The following QPCT variants were observed in gnomAD, a reference collection of about 807,000 sequenced individuals.
The protein encoded by QPCT is EC.
QPCT carries 44 observed loss-of-function variants against 43.4 expected under a neutral mutation model. That is an observed-to-expected ratio of 1.01 (90% CI 0.80 to 1.30). The LOEUF is 1.30. Among genes scored for constraint, QPCT ranks in the 50% most tolerant of loss-of-function variants. The probability of loss-of-function intolerance (pLI) is 0.00; values close to 1 mark genes in which losing one functional copy is unlikely to be tolerated. For synonymous variants in QPCT, 168 were observed against 168.4 expected (o/e 1.00, Z 0.02); for missense variants, 526 against 436.5 (o/e 1.21, Z -1.83).
chr2:37,356,991 G>C (rs988986265), intron 2 of QPCT, among the ~76,000 whole-genome samples: 2 of 148,010 alleles, frequency 1.4e-5, no homozygotes, highest in Non-Finnish European at 3.0e-5. Context: ...TGGCGACAGA[G>C]TGAGACTCCG....
chr2:37,348,063 CGTGTGTGTGT>C (rs10598967), intron 1 of QPCT, among the ~76,000 whole-genome samples: 1 of 148,388 alleles, frequency 6.7e-6, no homozygotes, highest in Non-Finnish European at 1.5e-5. Context: ...CGCGCGCACG[CGTGTGTGTGT>C]GTGTGTGTGT....
In QPCT at chr2:37,344,759, G is replaced by A. The variant is rs761865842; in HGVS notation, c.28G>A (p.Val10Met). 1 of 1,607,510 alleles carries A rather than the reference G, an allele frequency of 6.2e-7. No individual in the cohort carries two copies. The highest frequency in any genetic ancestry group is 1.3e-5 in the African/African-American group (1 of 74,754). ...GGCAGGCGGAAGACACCGGCGCGTCGTGGGCACCCTCCACCTGCTGCTGCT... is the reference window on the plus strand; with the variant it reads ...GGCAGGCGGAAGACACCGGCGCGTCATGGGCACCCTCCACCTGCTGCTGCT... MAGGRHRRV[V>M]GTLHLLLLVA... Residue 10 changes from valine to methionine, a missense_variant, in exon 1 of 7, where the codon GTG (valine) becomes ATG (methionine). Physicochemically the swap from Val to Met is conservative, Grantham distance 21 (BLOSUM62 1). Transcript: ENST00000338415.
chr2:37,347,437 G>A (rs1672528809), intron 1 of QPCT, among the ~76,000 whole-genome samples: 1 of 151,080 alleles, frequency 6.6e-6, no homozygotes, highest in Non-Finnish European at 1.5e-5. Context: ...ATGAGTCCTG[G>A]CTGATGTACC....
intron 1 of QPCT, among the ~76,000 whole-genome samples, chr2:37,349,098 C>CTTCA (rs1212170077): frequency 1.3e-5 from 2 of 152,174 alleles, no homozygotes; most frequent in Non-Finnish European, 2.9e-5. Context: ...GAATAGAAGG[C>CTTCA]TTAAGTAGTT....
chr2:37,346,986 C>T (rs139339222), intron 1 of QPCT, among the ~76,000 whole-genome samples: 262 of 150,404 alleles, frequency 1.7e-3, no homozygotes, highest in African/African-American at 6.2e-3. Flanking sequence ...AAAAGCAGAT[C>T]AACTGTAGTT....
Position 37,372,711 on chromosome 2 carries a change from C to T in QPCT, c.970C>T (p.Pro324Ser). ...GVPVLHLIPSPFPEVWHTMDD... is the reference protein window; with the variant it reads ...GVPVLHLIPSSFPEVWHTMDD... ...TCCAGTTCTGCATCTGATACCGTCT[C>T]CTTTCCCTGAAGTCTGGCACACCAT... The change falls in exon 7 of 7, where the codon CCT (proline) becomes TCT (serine). Residue 324 changes from proline to serine, a missense_variant. Physicochemically the swap from Pro to Ser is moderately conservative, Grantham distance 74. Transcript: ENST00000338415. 6.2e-7 allele frequency: 1 copy of T among 1,613,702 alleles called. No individual in the cohort carries two copies.
chr2:37,356,267 AT>A (rs1205487202), intron 2 of QPCT, among the ~76,000 whole-genome samples: 1 of 151,610 alleles, frequency 6.6e-6, no homozygotes, highest in Non-Finnish European at 1.5e-5. Flanking sequence ...TCATCTTTGT[AT>A]TTTTTTTCTT....
intron 1 of QPCT, among the ~76,000 whole-genome samples, chr2:37,345,553 C>T (rs1572725488): frequency 6.6e-6 from 1 of 152,106 alleles, no homozygotes. Context: ...TGTATGGGTT[C>T]GGCCGGGCGG....
Position 37,356,866 on chromosome 2 carries a change from C to T in QPCT, c.268-2714C>T, listed in dbSNP as rs551290416. Reference sequence around the variant, plus strand: ...ACCAAAAATACAAAAATTAGCTAGGCGTGGTGGCATGTGCCTGTGGTCCCA... The same window carrying T: ...ACCAAAAATACAAAAATTAGCTAGGTGTGGTGGCATGTGCCTGTGGTCCCA... On this transcript the variant is annotated intron_variant, in intron 2 of 6. Transcript: ENST00000338415. Among the ~76,000 whole-genome samples the T allele has an allele frequency of 1.4e-3, 220 of 152,092 alleles. 1 individual carries two copies. Among genetic ancestry groups the T allele is most frequent in the African/African-American group, 5.1e-3 (213 of 41,482 alleles).
At chr2:37,365,223 G>A (rs1272339406) in intron 3 of QPCT, among the ~76,000 whole-genome samples, 6 of 152,074 alleles carry the variant, frequency 3.9e-5, no homozygotes, top group Non-Finnish European at 8.8e-5. Flanking sequence ...TCTCTAGTGT[G>A]AAGAGGGAAG....
At chr2:37,359,184 A>G (rs111754050) in intron 2 of QPCT, among the ~76,000 whole-genome samples, 1 of 151,754 alleles carries the variant, frequency 6.6e-6, no homozygotes, top group Admixed American at 6.5e-5. Context: ...GAGTAATATA[A>G]AAAGTAGGAT....
intron 1 of QPCT, among the ~76,000 whole-genome samples, chr2:37,347,159 T>TC (rs1478380246): frequency 2.9e-5 from 2 of 68,700 alleles, no homozygotes; most frequent in African/African-American, 6.8e-5. Context: ...TATATATATA[T>TC]ATATAACATA....
intron 2 of QPCT, 41 bp downstream of exon 2, chr2:37,352,976 T>A: frequency 6.3e-7 from 1 of 1,586,458 alleles, no homozygotes. Flanking sequence ...GTGTGAATAC[T>A]GTGCTTTCTC....
chr2:37,347,144 T>A (rs1485776242), intron 1 of QPCT, among the ~76,000 whole-genome samples: 1 of 55,346 alleles, frequency 1.8e-5, no homozygotes, highest in African/African-American at 9.4e-5. Flanking sequence ...ATGGGGTGTT[T>A]TATATATATA....
chr2:37,363,697 T>C (rs1261433592), intron 3 of QPCT, among the ~76,000 whole-genome samples: 2 of 142,472 alleles, frequency 1.4e-5, no homozygotes, highest in South Asian at 4.5e-4. Context: ...GCAAAACAAA[T>C]CATACAAATT....
At chr2:37,346,742 C>G (rs968721492) in intron 1 of QPCT, among the ~76,000 whole-genome samples, 1 of 152,142 alleles carries the variant, frequency 6.6e-6, no homozygotes. Context: ...CTAGCTTCCT[C>G]CCCTTATTCT....
chr2:37,360,759 T>G (rs182154846), intron 3 of QPCT, among the ~76,000 whole-genome samples: 6 of 152,180 alleles, frequency 3.9e-5, no homozygotes. Flanking sequence ...TCCTTTTCAC[T>G]TCTTTTTTTT....
chr2:37,350,234 G>A (rs562734143), intron 1 of QPCT, among the ~76,000 whole-genome samples: 7 of 152,190 alleles, frequency 4.6e-5, no homozygotes, highest in African/African-American at 7.2e-5. Flanking sequence ...CAGAGTGACC[G>A]AAGCATGGTG....
intron 1 of QPCT, among the ~76,000 whole-genome samples, chr2:37,351,716 T>C (rs968603286): frequency 1.3e-5 from 2 of 152,094 alleles, no homozygotes; most frequent in Non-Finnish European, 2.9e-5. Context: ...ACCCCGTCTC[T>C]ACTAAAAATA....
Sources: allele counts gnomAD v4.1 joint callset (sites outside exome capture counted in the v4.1 genomes callset), GRCh38; gene constraint gnomAD v4.1.1; transcripts MANE v1.5; gene names NCBI Gene and HGNC (gene_info 2026-07-23, HGNC 2026-07-21).